ETV5: variants seen among roughly 807,000 people sequenced by gnomAD.
ETV5 encodes the protein ETS translocation variant 5.
Under a neutral mutation model 70.0 loss-of-function variants are expected in ETV5, and 10 were observed. That is an observed-to-expected ratio of 0.14 (90% CI 0.09 to 0.24). The LOEUF (loss-of-function observed/expected upper bound fraction) is 0.24, where lower values mean the gene tolerates loss of function less well. ETV5 is among the 10% of genes least tolerant of loss of function. The pLI is 1.00. For missense variants in ETV5, 453 were observed against 651.2 expected (o/e 0.70, Z 3.31); for synonymous variants, 216 against 242.2 (o/e 0.89, Z 1.01).
At chr3:186,053,682 G>A (rs1315344341) in intron 11 of ETV5, among the ~76,000 whole-genome samples, 1 of 152,140 alleles carries the variant, frequency 6.6e-6, no homozygotes, top group African/African-American at 2.4e-5. Flanking sequence ...CAGACACGAT[G>A]TCCTGGGTCT....
chr3:186,084,279 T>C (rs775912949), intron 5 of ETV5: 1 of 207,386 alleles, frequency 4.8e-6, no homozygotes. Flanking sequence ...TGAAAAGAAA[T>C]GCTAAAAAAA....
In ETV5 at chr3:186,105,567, C is replaced by T. The variant is rs2108446598; in HGVS notation, c.133+58G>A. The T allele has an allele frequency of 6.2e-7, 1 of 1,611,856 alleles. No individual in the cohort carries two copies. Among genetic ancestry groups the T allele is most frequent in the South Asian group, 1.1e-5 (1 of 91,024 alleles). ...TAGGGAGAAGACAGGGAAGAATCTACACGCTACTGTCACTGGGAGCAGGGA... is the reference window on the plus strand; with the variant it reads ...TAGGGAGAAGACAGGGAAGAATCTATACGCTACTGTCACTGGGAGCAGGGA... On this transcript the variant is annotated intron_variant, in intron 3 of 12. Transcript: ENST00000306376. The surrounding 1 kb of genome is among the most constrained non-coding windows in gnomAD (Gnocchi z 4.5).
At position 186,109,013 on chromosome 3, in the gene ETV5, C is replaced by G. The variant is rs372923698; in HGVS notation, c.-148G>C. 6.5e-6 allele frequency: 1 copy of G among 153,472 alleles called. No homozygotes were observed. The highest frequency in any genetic ancestry group is 6.5e-5 in the Admixed American group (1 of 15,306). The allele number at this position is 153,472 out of a possible 1,614,324, so 9.5% of individuals were successfully genotyped here. ...GCGCTCACGCACGCGCGCAGCGGGCCTGGGCGCCTGGGCGAAAGGCTGGGC... is the reference window on the plus strand; with the variant it reads ...GCGCTCACGCACGCGCGCAGCGGGCGTGGGCGCCTGGGCGAAAGGCTGGGC... On this transcript the variant is annotated 5_prime_UTR_variant, in exon 1 of 13. Transcript: ENST00000306376.
intron 7 of ETV5, among the ~76,000 whole-genome samples, chr3:186,075,990 T>C (rs539431555): frequency 4.6e-5 from 7 of 152,312 alleles, no homozygotes; most frequent in African/African-American, 9.6e-5. Context: ...GCCAGTACTA[T>C]AGGAATATTT....
intron 9 of ETV5, among the ~76,000 whole-genome samples, chr3:186,060,744 G>A (rs1713284194): frequency 6.6e-6 from 1 of 152,198 alleles, no homozygotes; most frequent in Non-Finnish European, 1.5e-5. Context: ...GAATGGGAAA[G>A]GGTGGAGGGA....
intron 12 of ETV5, among the ~76,000 whole-genome samples, chr3:186,050,258 C>T (rs960265919): frequency 3.9e-5 from 6 of 152,154 alleles, no homozygotes; most frequent in African/African-American, 1.4e-4. Flanking sequence ...TCTGAGCCCA[C>T]GAAGCCTCAT....
At chr3:186,095,067 T>C (rs955193758) in intron 5 of ETV5, 2 of 152,246 alleles carry the variant, frequency 1.3e-5, no homozygotes, top group Non-Finnish European at 2.9e-5. Context: ...GTTTTACTAC[T>C]TTCCTTGGGC....
At position 186,109,088 on chromosome 3, in the gene ETV5, C is replaced by T. The variant is rs1052815835; in HGVS notation, c.-223G>A. 1 of 152,216 alleles carries T rather than the reference C, an allele frequency of 6.6e-6. No individual in the cohort carries two copies. 9.4% of individuals were successfully genotyped at this position (152,216 alleles called of 1,614,324 possible). A position where few individuals can be genotyped will look rare whatever the true frequency, so the allele number is the denominator to read the frequency against. ...CGCTCCGCGCACCAGCGGCTGGACT[C>T]TGCGCCGCAGCTGCCAACCAGGCTG... On this transcript the variant is annotated 5_prime_UTR_variant, in exon 1 of 13. Coordinates refer to ENST00000306376, the MANE Select transcript of ETV5 (RefSeq NM_004454.3).
chr3:186,062,202 T>C (rs1327265144), intron 9 of ETV5, among the ~76,000 whole-genome samples: 1 of 152,244 alleles, frequency 6.6e-6, no homozygotes, highest in African/African-American at 2.4e-5. Context: ...TTGGGTGCTA[T>C]AGAGATGACA....
At chr3:186,049,313 G>A (rs537948902) in intron 12 of ETV5, among the ~76,000 whole-genome samples, 1 of 152,356 alleles carries the variant, frequency 6.6e-6, no homozygotes, top group African/African-American at 2.4e-5. Flanking sequence ...CTGCGCAGAA[G>A]CCTTAAGTAT....
intron 7 of ETV5, among the ~76,000 whole-genome samples, chr3:186,069,777 G>A (rs1170905330): frequency 3.3e-5 from 5 of 152,144 alleles, no homozygotes; most frequent in Non-Finnish European, 2.9e-5. Context: ...GGGATTACAG[G>A]CAAAAGCCAC....
intron 1 of ETV5, 136 bp downstream of exon 1, chr3:186,108,804 G>GA: frequency 3.0e-6 from 1 of 337,328 alleles, no homozygotes; most frequent in South Asian, 2.7e-5. Flanking sequence ...GTCAACCCGG[G>GA]GGGGGTCACC....
chr3:186,057,048 C>T lies in ETV5; in HGVS notation c.1209+27G>A, dbSNP rs752041447. On this transcript the variant is annotated intron_variant, in intron 11 of 12. Transcript: ENST00000306376. This position sits in a 1 kb window ranked among gnomAD's most constrained non-coding sequence, Gnocchi z 4.9. ...TCATCAACAACAACAAATCAAAACC[C>T]GTCTGAGTCCAGCATCCAGTGCATA... 13 of 1,598,490 alleles carry T rather than the reference C, an allele frequency of 8.1e-6. No individual in the cohort carries two copies. The East Asian group carries it at 9.0e-5, about 11-fold the overall frequency.
rs1382773635 is a variant in ETV5 at position 186,058,359 on chromosome 3, T to C, written c.971-868A>G. Among the ~76,000 whole-genome samples, 3 of 152,158 alleles carry C rather than the reference T, an allele frequency of 2.0e-5. No individual in the cohort carries two copies. The East Asian group carries it at 5.8e-4, about 29-fold the overall frequency. ...ACATCCCTCCTTGTAGTTCAGCCTG[T>C]CTCAAGGTGTAAGGTCTCCAGTGCA... is the stretch of plus-strand genomic sequence containing the variant. On this transcript the variant is annotated intron_variant, in intron 9 of 12. Coordinates refer to ENST00000306376, the MANE Select transcript of ETV5 (RefSeq NM_004454.3).
chr3:186,096,406 A>G (rs1229597028), intron 5 of ETV5, among the ~76,000 whole-genome samples: 2 of 152,190 alleles, frequency 1.3e-5, no homozygotes, highest in African/African-American at 4.8e-5. Flanking sequence ...CTTGCAGGCC[A>G]TTACAAAGCA....
intron 1 of ETV5, among the ~76,000 whole-genome samples, chr3:186,106,143 A>C (rs1714582281): frequency 6.6e-6 from 1 of 152,162 alleles, no homozygotes; most frequent in African/African-American, 2.4e-5. Context: ...CTCCGTGCCA[A>C]ATCCATTTAC....
At chr3:186,055,783 C>T (rs763171727) in intron 11 of ETV5, among the ~76,000 whole-genome samples, 8 of 152,174 alleles carry the variant, frequency 5.3e-5, no homozygotes, top group Admixed American at 2.0e-4. Flanking sequence ...CCCATGCCAG[C>T]GTATTTCTCT....
At chr3:186,070,036 T>C (rs1411662763) in intron 7 of ETV5, among the ~76,000 whole-genome samples, 1 of 152,144 alleles carries the variant, frequency 6.6e-6, no homozygotes, top group Non-Finnish European at 1.5e-5. Context: ...GGTTTCGAAC[T>C]CCTGACCTCA....
At chr3:186,076,120 A>G (rs997086999) in intron 7 of ETV5, among the ~76,000 whole-genome samples, 1 of 152,208 alleles carries the variant, frequency 6.6e-6, no homozygotes, top group African/African-American at 2.4e-5. Flanking sequence ...GATAAGTGGC[A>G]CATGTCTGAA....
Sources: allele counts gnomAD v4.1 joint callset (sites outside exome capture counted in the v4.1 genomes callset), GRCh38; gene constraint gnomAD v4.1.1; non-coding constraint Gnocchi (gnomAD v3.1); transcripts MANE v1.5; gene names NCBI Gene and HGNC (gene_info 2026-07-23, HGNC 2026-07-21).